The following PRMT3 variants were observed in gnomAD, a reference collection of about 807,000 sequenced individuals.
PRMT3 encodes the protein protein arginine methyltransferase 3, also known as protein arginine N-methyltransferase 3.
In PRMT3, 62 loss-of-function variants were observed where a neutral mutation model predicts 71.9. The observed-to-expected ratio is 0.86, with a 90% CI of 0.70 to 1.07. The LOEUF (loss-of-function observed/expected upper bound fraction) is 1.07, where lower values mean the gene tolerates loss of function less well. Among genes scored for constraint, PRMT3 ranks in the 50% least tolerant of loss-of-function variants. The pLI is 0.00. For synonymous variants in PRMT3, 213 were observed against 220.4 expected, an observed-to-expected ratio of 0.97 and a Z score of 0.30; for missense variants, 663 against 643.0, an observed-to-expected ratio of 1.03 and a Z score of -0.34.
chr11:20,419,515 C>T (rs1849379905), intron 9 of PRMT3, among the ~76,000 whole-genome samples: 1 of 152,184 alleles, frequency 6.6e-6, no homozygotes, highest in Non-Finnish European at 1.5e-5. Flanking sequence ...TGGCAACATT[C>T]TTATTTATAG....
rs367604428 is a variant in PRMT3, at chr11:20,508,456, G to A, written c.*43G>A. 2.2e-6 allele frequency: 3 copies of A among 1,381,316 alleles called. No individual in the cohort carries two copies. Among genetic ancestry groups the A allele is most frequent in the East Asian group, 2.3e-5 (1 of 43,684 alleles). 85.6% of individuals were successfully genotyped at this position (1,381,316 alleles called of 1,614,324 possible). ...ACTACCTTGTAGTTTTTAATGTGGG[G>A]GTAGAGTGGGTCAGCAGGAGGGAGC... On this transcript the variant is annotated 3_prime_UTR_variant, in exon 16 of 16. Coordinates refer to ENST00000331079, the MANE Select transcript of PRMT3 (RefSeq NM_005788.4).
intron 10 of PRMT3, among the ~76,000 whole-genome samples, chr11:20,439,014 G>T (rs1032154785): frequency 3.3e-5 from 5 of 152,190 alleles, no homozygotes; most frequent in South Asian, 2.1e-4. Flanking sequence ...CCACCAGACT[G>T]GGGTGGTTCA....
At chr11:20,403,057 C>A (rs1848985166) in intron 8 of PRMT3, 73 bp downstream of exon 8, 2 of 1,096,140 alleles carry the variant, frequency 1.8e-6, no homozygotes, top group Non-Finnish European at 2.8e-6. Context: ...CTTGGCTCAT[C>A]ATTGTGATAG....
chr11:20,479,681 A>G lies in PRMT3; in HGVS notation c.1348-14238A>G, dbSNP rs1850883522. Among the ~76,000 whole-genome samples the G allele has an allele frequency of 9.2e-5, 14 of 152,284 alleles. No individual in the cohort carries two copies. In the South Asian group the frequency reaches 2.9e-3, roughly 32 times the overall value. On this transcript the variant is annotated intron_variant, in intron 13 of 15. Transcript: ENST00000331079. ...TGAAATTTTTGATAGTATTTTTTTAAAGAATCTCACAACAATAAGAAACGC... is the reference window on the plus strand; with the variant it reads ...TGAAATTTTTGATAGTATTTTTTTAGAGAATCTCACAACAATAAGAAACGC...
chr11:20,410,522 A>C (rs1849172545), intron 9 of PRMT3, among the ~76,000 whole-genome samples: 1 of 152,038 alleles, frequency 6.6e-6, no homozygotes, highest in African/African-American at 2.4e-5. Flanking sequence ...TAAATCTTAT[A>C]ATTTAATACC....
chr11:20,441,966 T>C (rs1213648013), intron 10 of PRMT3, among the ~76,000 whole-genome samples: 4 of 152,130 alleles, frequency 2.6e-5, no homozygotes, highest in Non-Finnish European at 5.9e-5. Context: ...CTAATTTTTG[T>C]ATTTTTAGTA....
At chr11:20,491,752 A>G (rs139426283) in intron 13 of PRMT3, among the ~76,000 whole-genome samples, 18 of 152,202 alleles carry the variant, frequency 1.2e-4, no homozygotes, top group East Asian at 3.9e-4. Flanking sequence ...TTTTAGTTCA[A>G]TGCTCTAAGC....
rs182519822 is a variant in PRMT3, at chr11:20,439,623, C to A, written c.994-12507C>A. Among the ~76,000 whole-genome samples, 9 of 152,180 alleles carry A rather than the reference C, an allele frequency of 5.9e-5. No individual in the cohort carries two copies. The East Asian group carries it at 1.7e-3, about 29-fold the overall frequency. On this transcript the variant is annotated intron_variant, in intron 10 of 15. Transcript: ENST00000331079. ...GACATTGTAGTATTGGGGGAGGTGT[C>A]CATTTTAGAACTGATGAAATACTGT...
intron 11 of PRMT3, among the ~76,000 whole-genome samples, chr11:20,458,055 AAATT>A (rs1850306540): frequency 6.6e-6 from 1 of 152,176 alleles, no homozygotes; most frequent in African/African-American, 2.4e-5. Flanking sequence ...TATAAACTAG[AAATT>A]AATTTTTAAA....
chr11:20,477,819 C>G (rs1850832392), intron 13 of PRMT3, among the ~76,000 whole-genome samples: 1 of 137,116 alleles, frequency 7.3e-6, no homozygotes, highest in South Asian at 2.8e-4. Context: ...CCCCCCACTT[C>G]CTGTTTTGCA....
intron 13 of PRMT3, among the ~76,000 whole-genome samples, chr11:20,491,882 C>T (rs1851216466): frequency 6.6e-6 from 1 of 152,142 alleles, no homozygotes; most frequent in Non-Finnish European, 1.5e-5. Flanking sequence ...CCATATTTGT[C>T]CCACATGTTC....
intron 13 of PRMT3, among the ~76,000 whole-genome samples, chr11:20,480,340 C>T (rs1411851710): frequency 2.0e-5 from 3 of 152,236 alleles, no homozygotes; most frequent in East Asian, 1.9e-4. Flanking sequence ...GTGGTTCTTG[C>T]GTTAGCTAGA....
At chr11:20,501,344 A>G (rs911303736) in intron 15 of PRMT3, among the ~76,000 whole-genome samples, 6 of 152,080 alleles carry the variant, frequency 3.9e-5, no homozygotes, top group African/African-American at 1.4e-4. Flanking sequence ...ACAATAATAT[A>G]TATTGTCATT....
chr11:20,436,688 T>C (rs1035465060), intron 10 of PRMT3, among the ~76,000 whole-genome samples: 2 of 152,162 alleles, frequency 1.3e-5, no homozygotes, highest in African/African-American at 4.8e-5. Context: ...TTGCTTGTAT[T>C]TTGTTAAGGA....
intron 15 of PRMT3, among the ~76,000 whole-genome samples, chr11:20,506,591 C>T (rs2133711796): frequency 6.6e-6 from 1 of 152,194 alleles, no homozygotes; most frequent in Non-Finnish European, 1.5e-5. Context: ...TGTGTTATTT[C>T]ACTACCATCT....
intron 11 of PRMT3, among the ~76,000 whole-genome samples, chr11:20,458,837 GTTC>G (rs1183759321): frequency 4.6e-5 from 7 of 152,052 alleles, no homozygotes; most frequent in Non-Finnish European, 1.0e-4. Context: ...ATAAAATCAT[GTTC>G]TTCTTTAGTT....
At chr11:20,493,142 A>AG in intron 13 of PRMT3, among the ~76,000 whole-genome samples, 1 of 151,804 alleles carries the variant, frequency 6.6e-6, no homozygotes, top group East Asian at 1.9e-4. Flanking sequence ...AAAAAAAAAA[A>AG]AATCTTTTTG....
At chr11:20,502,602 G>C (rs1851484270) in intron 15 of PRMT3, among the ~76,000 whole-genome samples, 2 of 152,074 alleles carry the variant, frequency 1.3e-5, no homozygotes, top group South Asian at 4.1e-4. Context: ...CTAAACTGAG[G>C]AATGCATAGA....
intron 5 of PRMT3, among the ~76,000 whole-genome samples, chr11:20,395,213 T>C (rs1848799172): frequency 6.6e-6 from 1 of 152,154 alleles, no homozygotes; most frequent in Non-Finnish European, 1.5e-5. Context: ...TCTTTCTTCC[T>C]GGATTTGGTT....
Sources: allele counts gnomAD v4.1 joint callset (sites outside exome capture counted in the v4.1 genomes callset), GRCh38; gene constraint gnomAD v4.1.1; transcripts MANE v1.5; gene names NCBI Gene and HGNC (gene_info 2026-07-23, HGNC 2026-07-21).